Variants in AEBP2 observed in about 807,000 individuals in gnomAD.
The protein encoded by AEBP2 is AE binding protein 2, also known as zinc finger protein AEBP2.
A neutral mutation model predicts 50.8 loss-of-function variants in AEBP2; 10 were observed. That is an observed-to-expected ratio of 0.20 (90% CI 0.12 to 0.33). The LOEUF (loss-of-function observed/expected upper bound fraction) is 0.33. AEBP2 is among the 10% of genes least tolerant of loss of function. AEBP2 has a pLI of 1.00. For missense variants in AEBP2, 570 were observed against 688.0 expected (o/e 0.83, Z 1.92); for synonymous variants, 296 against 261.3 (o/e 1.13, Z -1.28).
Position 19,444,144 on chromosome 12 carries a change from G to A in AEBP2, c.671+3774G>A, listed in dbSNP as rs180839493. 1.5e-3 allele frequency among the ~76,000 whole-genome samples: 232 copies of A among 151,904 alleles called. 4 individuals carry two copies. The highest frequency in any genetic ancestry group is 0.015 in the Admixed American group (226 of 15,260). On this transcript the variant is annotated intron_variant, in intron 1 of 7. Transcript: ENST00000266508. ...CTCTTAGGTTAATTTCAGAGGCTAT[G>A]GTAACTTTAAAAAAAATTTAAAAAA... is the stretch of plus-strand genomic sequence containing the variant.
At chr12:19,422,503 T>C (rs1317161098) in intron 1 of AEBP2, among the ~76,000 whole-genome samples, 1 of 143,080 alleles carries the variant, frequency 7.0e-6, no homozygotes, top group African/African-American at 2.5e-5. Flanking sequence ...GAAATACATT[T>C]TTTTTTTTTT....
At chr12:19,426,694 A>G (rs2095748720) in intron 1 of AEBP2, among the ~76,000 whole-genome samples, 1 of 152,146 alleles carries the variant, frequency 6.6e-6, no homozygotes, top group African/African-American at 2.4e-5. Flanking sequence ...ACCTGAGGTC[A>G]GGAGTTCAAG....
chr12:19,420,287 C>T (rs528327305), intron 1 of AEBP2, among the ~76,000 whole-genome samples: 1 of 151,096 alleles, frequency 6.6e-6, no homozygotes, highest in Non-Finnish European at 1.5e-5. Flanking sequence ...CCTTGGCCTC[C>T]CAAAGTGCTG....
At chr12:19,497,859 G>A (rs987996038) in intron 4 of AEBP2, among the ~76,000 whole-genome samples, 1 of 152,168 alleles carries the variant, frequency 6.6e-6, no homozygotes, top group Admixed American at 6.5e-5. Flanking sequence ...CATTGTATAC[G>A]GGTAATACTA....
intron 7 of AEBP2, 131 bp from the exon 8 acceptor site, chr12:19,517,956 G>T: frequency 1.2e-6 from 1 of 844,332 alleles, no homozygotes; most frequent in Non-Finnish European, 1.7e-6. Flanking sequence ...TAAATGTTTT[G>T]GAAATACATT....
intron 3 of AEBP2, among the ~76,000 whole-genome samples, chr12:19,473,781 T>TA (rs1043992902): frequency 9.8e-5 from 15 of 152,310 alleles, no homozygotes; most frequent in African/African-American, 3.6e-4. Flanking sequence ...TAAATTTTTT[T>TA]AAAAACAACC....
chr12:19,470,834 G>T (rs1948560698), intron 2 of AEBP2, among the ~76,000 whole-genome samples: 2 of 152,102 alleles, frequency 1.3e-5, no homozygotes, highest in African/African-American at 4.8e-5. Context: ...TAGGGCGGGG[G>T]GGTCACTTAA....
At chr12:19,481,092 CTTT>C (rs71067027) in intron 3 of AEBP2, among the ~76,000 whole-genome samples, 1,038 of 73,870 alleles carry the variant, frequency 0.014, 140 homozygotes, top group African/African-American at 0.034. Flanking sequence ...GCAGTGCATC[CTTT>C]TTTTTTTTTT....
intron 1 of AEBP2, among the ~76,000 whole-genome samples, chr12:19,422,464 A>AG (rs1436706523): frequency 6.6e-6 from 1 of 150,884 alleles, no homozygotes; most frequent in Non-Finnish European, 1.5e-5. Context: ...TTATACCGGA[A>AG]GGTTAAGTAA....
chr12:19,439,836 A>C lies in AEBP2; in HGVS notation c.137A>C (p.Glu46Ala), dbSNP rs542791588. Residue 46 changes from glutamate (E) to alanine (A), a missense_variant, in exon 1 of 8, where the codon GAA becomes GCA. Physicochemically the swap from Glu to Ala is moderately radical, Grantham distance 107. Transcript: ENST00000266508. ...GAGGAGGAGGAAGAGGAGGAGGAGG[A>C]AGAGGAGGCGGAGGCCGAGGCGGTG... Reference protein sequence around the residue: ...PEEEEEEEEEEEEAEAEAVAA... With the variant: ...PEEEEEEEEEAEEAEAEAVAA... The C allele has an allele frequency of 6.7e-7, 1 of 1,500,912 alleles. No individual in the cohort carries two copies. Among genetic ancestry groups the C allele is most frequent in the East Asian group, 2.7e-5 (1 of 36,578 alleles). The allele number at this position is 1,500,912 out of a possible 1,614,324, so 93.0% of individuals were successfully genotyped here. A position where few individuals can be genotyped will look rare whatever the true frequency, so the allele number is the denominator to read the frequency against.
chr12:19,474,543 G>T (rs189646161), intron 3 of AEBP2, among the ~76,000 whole-genome samples: 2 of 151,578 alleles, frequency 1.3e-5, no homozygotes, highest in Admixed American at 1.3e-4. Flanking sequence ...TTTTTTTCTA[G>T]TATTTCCTTA....
chr12:19,497,040 AT>A (rs1164933174), intron 4 of AEBP2, among the ~76,000 whole-genome samples: 16 of 151,230 alleles, frequency 1.1e-4, no homozygotes, highest in African/African-American at 3.6e-4. Context: ...TTTAAAATAT[AT>A]TTTTAATGCT....
intron 1 of AEBP2, among the ~76,000 whole-genome samples, chr12:19,446,238 C>T (rs1488662662): frequency 6.6e-6 from 1 of 152,172 alleles, no homozygotes; most frequent in African/African-American, 2.4e-5. Flanking sequence ...GGTATCTCCT[C>T]AGATACTTTG....
intron 1 of AEBP2, among the ~76,000 whole-genome samples, chr12:19,431,010 TA>T (rs34747616): frequency 2.6e-4 from 35 of 135,958 alleles, no homozygotes; most frequent in Admixed American, 5.3e-4. Context: ...AGACCCTGTC[TA>T]AAAAAAAAAA....
intron 1 of AEBP2, among the ~76,000 whole-genome samples, chr12:19,453,112 G>A (rs1948195193): frequency 1.3e-5 from 2 of 151,778 alleles, no homozygotes; most frequent in African/African-American, 4.8e-5. Flanking sequence ...GGGACCACGG[G>A]TACCCGCCAC....
At chr12:19,414,226 C>A (rs1239924140) in intron 1 of AEBP2, among the ~76,000 whole-genome samples, 1 of 152,108 alleles carries the variant, frequency 6.6e-6, no homozygotes, top group Non-Finnish European at 1.5e-5. Flanking sequence ...TTGTGCTGAT[C>A]TCCTATCTCA....
chr12:19,484,595 G>T (rs530571448), intron 3 of AEBP2, among the ~76,000 whole-genome samples: 1 of 151,922 alleles, frequency 6.6e-6, no homozygotes, highest in Non-Finnish European at 1.5e-5. Flanking sequence ...GGATGGTCTC[G>T]ATCTCTTGAC....
At chr12:19,473,376 A>AATTTATTTATTT (rs71530938) in intron 3 of AEBP2, 21 bp downstream of exon 3, 2,922 of 174,908 alleles carry the variant, frequency 0.017, 16 homozygotes, top group Admixed American at 0.04. Flanking sequence ...ATGTATATAA[A>AATTTATTTATTT]ATTTATTTAT....
At chr12:19,502,651 T>C (rs1358223215) in intron 5 of AEBP2, among the ~76,000 whole-genome samples, 1 of 149,562 alleles carries the variant, frequency 6.7e-6, no homozygotes, top group Non-Finnish European at 1.5e-5. Context: ...GTTTGTCTAT[T>C]CTTTTTTTTT....
Sources: allele counts gnomAD v4.1 joint callset (sites outside exome capture counted in the v4.1 genomes callset), GRCh38; gene constraint gnomAD v4.1.1; transcripts MANE v1.5; gene names NCBI Gene and HGNC (gene_info 2026-07-23, HGNC 2026-07-21).